Variants in MYO5B observed in about 807,000 individuals in gnomAD.
The protein encoded by MYO5B is unconventional myosin-Vb.
MYO5B carries 143 observed loss-of-function variants against 229.3 expected under a neutral mutation model. The observed-to-expected ratio is 0.62, with a 90% CI of 0.54 to 0.72. The LOEUF (loss-of-function observed/expected upper bound fraction) is 0.72, where lower values mean the gene tolerates loss of function less well. MYO5B is among the 30% of genes least tolerant of loss of function. MYO5B has a pLI of 0.00. For missense variants in MYO5B, 2,321 were observed against 2,331.0 expected (o/e 1.00, Z 0.09); for synonymous variants, 918 against 885.2 (o/e 1.04, Z -0.66).
intron 1 of MYO5B, among the ~76,000 whole-genome samples, chr18:50,142,888 C>T (rs750626418): frequency 6.6e-6 from 1 of 152,190 alleles, no homozygotes; most frequent in Non-Finnish European, 1.5e-5. Context: ...TAAGAAATCA[C>T]AGTGAAGATG....
At chr18:49,887,950 T>C (rs960914863) in intron 22 of MYO5B, among the ~76,000 whole-genome samples, 2 of 152,100 alleles carry the variant, frequency 1.3e-5, no homozygotes, top group African/African-American at 4.8e-5. Flanking sequence ...CCTCCCAAAG[T>C]GCTGGGATTA....
chr18:50,194,855 G>C lies in MYO5B; in HGVS notation c.-62C>G. The stretch of plus-strand genomic sequence containing the variant: ...GCTGCCCCGCGGCTCTCAGTCCGCG[G>C]CTGGCCCGCCTGGCGCCATGTTCCC... On this transcript the variant is annotated 5_prime_UTR_variant, in exon 1 of 40. Transcript: ENST00000285039. 1 of 1,251,940 alleles carries C rather than the reference G, an allele frequency of 8.0e-7. No individual in the cohort carries two copies. Among genetic ancestry groups the C allele is most frequent in the Non-Finnish European group, 1.0e-6 (1 of 1,002,524 alleles). The allele number at this position is 1,251,940 out of a possible 1,614,324, so 77.6% of individuals were successfully genotyped here. A position where few individuals can be genotyped will look rare whatever the true frequency, so the allele number is the denominator to read the frequency against.
At chr18:50,016,553 T>C (rs2026217420) in intron 4 of MYO5B, among the ~76,000 whole-genome samples, 2 of 152,182 alleles carry the variant, frequency 1.3e-5, no homozygotes, top group African/African-American at 4.8e-5. Context: ...TCTCACTTTA[T>C]CCAATCTAGG....
chr18:49,982,259 G>A (rs1270908731), intron 8 of MYO5B, among the ~76,000 whole-genome samples: 1 of 152,078 alleles, frequency 6.6e-6, no homozygotes, highest in Non-Finnish European at 1.5e-5. Flanking sequence ...TGTAGAGACA[G>A]GGTCTCCCGT....
intron 1 of MYO5B, among the ~76,000 whole-genome samples, chr18:50,166,174 C>T (rs199661516): frequency 6.6e-6 from 1 of 152,210 alleles, no homozygotes; most frequent in African/African-American, 2.4e-5. Context: ...GCCCTCAGGA[C>T]TTGCCTGCCA....
chr18:50,074,536 A>C (rs1050142617), intron 1 of MYO5B, among the ~76,000 whole-genome samples: 2 of 152,160 alleles, frequency 1.3e-5, no homozygotes, highest in African/African-American at 2.4e-5. Context: ...AGCACACTGC[A>C]ATTCTAGCTC....
At chr18:49,919,854 A>G (rs907756973) in intron 17 of MYO5B, among the ~76,000 whole-genome samples, 1 of 152,240 alleles carries the variant, frequency 6.6e-6, no homozygotes, top group Non-Finnish European at 1.5e-5. Flanking sequence ...CTACACAAAA[A>G]CATGTACACA....
rs1033882250 is a variant in MYO5B at position 49,992,344 on chromosome 18, T to C, written c.700A>G (p.Ile234Val). The C allele has an allele frequency of 6.2e-6, 10 of 1,614,178 alleles. No individual in the cohort carries two copies. In the East Asian group the frequency reaches 1.3e-4, roughly 22 times the overall value. Residue 234 changes from isoleucine (I) to valine (V), a missense_variant, in exon 6 of 40, where the codon ATC becomes GTC. By Grantham distance (29) the Ile-to-Val change is conservative. Transcript: ENST00000285039. ...TAAGTCCTCATGTTGGCCCCGATGA[T>C]GTGGTACCTTTTGTCAAAGCCAATC... ...IQIGFDKRYH[I>V]IGANMRTYLL...
intron 4 of MYO5B, among the ~76,000 whole-genome samples, chr18:50,020,758 G>C (rs1351783434): frequency 1.3e-5 from 2 of 152,226 alleles, no homozygotes; most frequent in Non-Finnish European, 2.9e-5. Context: ...CATTTGAGAG[G>C]TGTGGCATAG....
intron 22 of MYO5B, among the ~76,000 whole-genome samples, chr18:49,886,774 G>T (rs982895213): frequency 2.6e-5 from 4 of 152,042 alleles, no homozygotes; most frequent in Non-Finnish European, 5.9e-5. Flanking sequence ...CGAGAGTGAC[G>T]ACGTTTTATC....
chr18:50,145,116 C>T (rs1306329383), intron 1 of MYO5B, among the ~76,000 whole-genome samples: 2 of 152,120 alleles, frequency 1.3e-5, no homozygotes, highest in South Asian at 2.1e-4. Flanking sequence ...GAAGTTGAGG[C>T]TACCACTCCC....
chr18:49,864,751 A>G (rs1296760769), intron 27 of MYO5B, among the ~76,000 whole-genome samples: 1 of 152,258 alleles, frequency 6.6e-6, no homozygotes, highest in Non-Finnish European at 1.5e-5. Flanking sequence ...ATATGTTCAC[A>G]CGCTTTGTGA....
intron 1 of MYO5B, chr18:50,126,681 C>A (rs2032168974): frequency 6.5e-6 from 1 of 154,638 alleles, no homozygotes; most frequent in African/African-American, 2.4e-5. Context: ...CGTGAATCAT[C>A]TCCAGGACCT....
intron 5 of MYO5B, among the ~76,000 whole-genome samples, chr18:49,999,265 CCTG>C (rs2026021033): frequency 1.3e-5 from 2 of 152,346 alleles, no homozygotes; most frequent in Admixed American, 1.3e-4. Flanking sequence ...AAGGAGAGAG[CCTG>C]CTTTCACTCT....
chr18:50,148,728 T>C (rs906198706), intron 1 of MYO5B, among the ~76,000 whole-genome samples: 1 of 150,548 alleles, frequency 6.6e-6, no homozygotes, highest in Non-Finnish European at 1.5e-5. Flanking sequence ...GCCAATATCA[T>C]ACTGAATGGG....
chr18:49,923,565 A>T (rs1436787499), intron 17 of MYO5B, among the ~76,000 whole-genome samples: 2 of 152,176 alleles, frequency 1.3e-5, no homozygotes, highest in Non-Finnish European at 2.9e-5. Context: ...TGTCACTCTG[A>T]TTTCACACAG....
chr18:49,841,501 G>A, intron 34 of MYO5B, 47 bp from the exon 35 acceptor site: 1 of 1,503,698 alleles, frequency 6.7e-7, no homozygotes, highest in Non-Finnish European at 9.3e-7. Context: ...CTCCCATCTG[G>A]TGAAATGCTT....
chr18:49,906,409 T>C lies in MYO5B; in HGVS notation c.2414+10A>G, dbSNP rs768099338. The C allele has an allele frequency of 1.2e-6, 2 of 1,613,798 alleles. No individual in the cohort carries two copies. Among genetic ancestry groups the C allele is most frequent in the Non-Finnish European group, 1.7e-6 (2 of 1,179,776 alleles). ...GATCTGCTGCCCTGAGCTGCCACAG[T>C]CTGGCTCACCTGCGGGCCAGGTGTC... is the stretch of plus-strand genomic sequence containing the variant. On this transcript the variant is annotated intron_variant, in intron 19 of 39. Transcript: ENST00000285039.
At chr18:50,122,016 T>C (rs2032065531) in intron 1 of MYO5B, among the ~76,000 whole-genome samples, 2 of 152,236 alleles carry the variant, frequency 1.3e-5, no homozygotes, top group Non-Finnish European at 2.9e-5. Flanking sequence ...TGCAGTCAAA[T>C]AGGCAGGACT....
Sources: allele counts gnomAD v4.1 joint callset (sites outside exome capture counted in the v4.1 genomes callset), GRCh38; gene constraint gnomAD v4.1.1; transcripts MANE v1.5; gene names NCBI Gene and HGNC (gene_info 2026-07-23, HGNC 2026-07-21).